Variants in MGAT4A observed in about 807,000 individuals in gnomAD.
MGAT4A encodes N-acetylglucosaminyltransferase IVa.
In MGAT4A, 33 loss-of-function variants were observed where a neutral mutation model predicts 74.1. The observed-to-expected ratio is 0.45, with a 90% CI of 0.34 to 0.60. The LOEUF (loss-of-function observed/expected upper bound fraction) is 0.60. Ranked by LOEUF, MGAT4A falls within the 20% of genes least tolerant of loss-of-function variation. The probability of loss-of-function intolerance (pLI) is 0.02; values close to 1 mark genes in which losing one functional copy is unlikely to be tolerated. For synonymous variants in MGAT4A, 198 were observed against 210.4 expected, an observed-to-expected ratio of 0.94 and a Z score of 0.51; for missense variants, 479 against 628.3, an observed-to-expected ratio of 0.76 and a Z score of 2.54.
chr2:98,699,494 C>A (rs919087659), intron 2 of MGAT4A, among the ~76,000 whole-genome samples: 1 of 152,070 alleles, frequency 6.6e-6, no homozygotes, highest in Non-Finnish European at 1.5e-5. Flanking sequence ...CAGCAGGAAT[C>A]ATATTTTAGT....
chr2:98,719,875 G>C (rs1388913918), intron 2 of MGAT4A, among the ~76,000 whole-genome samples: 1 of 152,164 alleles, frequency 6.6e-6, no homozygotes, highest in Admixed American at 6.5e-5. Context: ...TCGAACTCCT[G>C]ACCTCAGGCG....
chr2:98,650,817 G>C (rs558685981), intron 8 of MGAT4A, among the ~76,000 whole-genome samples: 4 of 152,216 alleles, frequency 2.6e-5, no homozygotes, highest in South Asian at 2.1e-4. Context: ...TGGGTGTGGT[G>C]GTGGGCACCT....
At chr2:98,714,819 CGTTAT>C (rs1232716689) in intron 2 of MGAT4A, among the ~76,000 whole-genome samples, 3 of 152,002 alleles carry the variant, frequency 2.0e-5, no homozygotes, top group Non-Finnish European at 4.4e-5. Context: ...GGGTTAATTT[CGTTAT>C]GTTAATTTCA....
At chr2:98,642,401 C>T (rs2104238458) in intron 10 of MGAT4A, among the ~76,000 whole-genome samples, 1 of 152,272 alleles carries the variant, frequency 6.6e-6, no homozygotes, top group African/African-American at 2.4e-5. Context: ...CGACAGCACC[C>T]TCGAGATTCT....
chr2:98,644,818 G>A (rs756219567), intron 9 of MGAT4A, among the ~76,000 whole-genome samples: 27 of 152,074 alleles, frequency 1.8e-4, no homozygotes, highest in South Asian at 1.2e-3. Flanking sequence ...ATTTTTAGTA[G>A]AGACAGGGTT....
chr2:98,697,642 T>G (rs1467005880), intron 2 of MGAT4A, among the ~76,000 whole-genome samples: 1 of 152,242 alleles, frequency 6.6e-6, no homozygotes, highest in Non-Finnish European at 1.5e-5. Context: ...CTTTGCAGCT[T>G]CCTTTAGTTC....
In MGAT4A at chr2:98,726,112, A is replaced by C. The variant is rs190340948; in HGVS notation, c.94+127T>G. The stretch of plus-strand genomic sequence containing the variant: ...AATACTGTTTCATTTTTATATCAGA[A>C]AGAAACTGCCAGCAGATAGCATGTA... On this transcript the variant is annotated intron_variant, in intron 2 of 15. Coordinates refer to ENST00000393487, the MANE Select transcript of MGAT4A (RefSeq NM_012214.3). 61 of 600,568 alleles carry C rather than the reference A, an allele frequency of 1.0e-4. No individual in the cohort carries two copies. In the East Asian group the frequency reaches 1.5e-3, roughly 14 times the overall value. 37.2% of individuals were successfully genotyped at this position (600,568 alleles called of 1,614,324 possible).
intron 2 of MGAT4A, among the ~76,000 whole-genome samples, chr2:98,712,754 A>G (rs962829527): frequency 6.6e-6 from 1 of 152,214 alleles, no homozygotes; most frequent in African/African-American, 2.4e-5. Flanking sequence ...ACATGTGAAC[A>G]TTTACTATTA....
intron 2 of MGAT4A, among the ~76,000 whole-genome samples, chr2:98,715,261 T>A (rs1702576479): frequency 7.2e-6 from 1 of 139,406 alleles, no homozygotes. Context: ...GAGGGTGCAG[T>A]GAGCCAAGAT....
chr2:98,625,359 TGA>T lies in MGAT4A; in HGVS notation c.*205_*206del. On this transcript the variant is annotated 3_prime_UTR_variant, in exon 16 of 16. Coordinates refer to ENST00000393487, the MANE Select transcript of MGAT4A (RefSeq NM_012214.3). ...CAGGCTGTCATAATTGAAAAATGTT[TGA>T]GTCAAGTTAAAATCTGAGGACAGCT... 1 of 1,362,050 alleles carries T rather than the reference TGA, an allele frequency of 7.3e-7. No homozygotes were observed. The highest frequency in any genetic ancestry group is 9.5e-7 in the Non-Finnish European group (1 of 1,053,354). 84.4% of individuals were successfully genotyped at this position (1,362,050 alleles called of 1,614,324 possible).
chr2:98,727,438 C>A (rs920184202), intron 1 of MGAT4A, among the ~76,000 whole-genome samples: 1 of 152,178 alleles, frequency 6.6e-6, no homozygotes, highest in African/African-American at 2.4e-5. Flanking sequence ...GTACTAAAAA[C>A]CAAACTTTTT....
intron 8 of MGAT4A, among the ~76,000 whole-genome samples, chr2:98,649,000 G>A (rs112482191): frequency 0.012 from 1,776 of 152,228 alleles, 19 homozygotes; most frequent in Middle Eastern, 0.031. Context: ...GTGCCACTGC[G>A]CTCCAGCCTG....
rs1401431276 is a variant in MGAT4A at position 98,621,539 on chromosome 2, C to G, written c.*4027G>C. On this transcript the variant is annotated 3_prime_UTR_variant, in exon 16 of 16. Coordinates refer to ENST00000393487, the MANE Select transcript of MGAT4A (RefSeq NM_012214.3). ...GGAGTCACAAGATTTGATTAGCCACCCCCAGACAGTCTTCCTTTTGCTACA... is the reference window on the plus strand; with the variant it reads ...GGAGTCACAAGATTTGATTAGCCACGCCCAGACAGTCTTCCTTTTGCTACA... 7 of 1,551,014 alleles carry G rather than the reference C, an allele frequency of 4.5e-6. No individual in the cohort carries two copies. Among genetic ancestry groups the G allele is most frequent in the East Asian group, 4.9e-5 (2 of 40,912 alleles).
intron 14 of MGAT4A, among the ~76,000 whole-genome samples, chr2:98,629,637 G>A (rs550503642): frequency 4.6e-5 from 7 of 152,036 alleles, no homozygotes; most frequent in Non-Finnish European, 7.4e-5. Context: ...ATACACTACC[G>A]CAAAAGATTG....
intron 9 of MGAT4A, among the ~76,000 whole-genome samples, 160 bp from the exon 10 acceptor site, chr2:98,644,213 G>T (rs1160719938): frequency 6.6e-6 from 1 of 152,166 alleles, no homozygotes; most frequent in Non-Finnish European, 1.5e-5. Flanking sequence ...ATTAAACAAA[G>T]TTGCTTCGGC....
chr2:98,698,376 C>G (rs1163825980), intron 2 of MGAT4A, among the ~76,000 whole-genome samples: 25 of 152,188 alleles, frequency 1.6e-4, no homozygotes, highest in Non-Finnish European at 7.3e-5. Flanking sequence ...GAGATTGCAT[C>G]ACTGCACTGC....
intron 2 of MGAT4A, among the ~76,000 whole-genome samples, chr2:98,682,805 G>A (rs544499138): frequency 1.3e-5 from 2 of 152,256 alleles, no homozygotes; most frequent in South Asian, 4.1e-4. Flanking sequence ...AACAAATGGC[G>A]GCCGGGCGTG....
In MGAT4A at chr2:98,621,246, T is replaced by C. The variant is rs1701056860; in HGVS notation, c.*4320A>G. 1.2e-6 allele frequency: 1 copy of C among 857,130 alleles called. No individual in the cohort carries two copies. The highest frequency in any genetic ancestry group is 3.5e-5 in the Admixed American group (1 of 28,540). 53.1% of individuals were successfully genotyped at this position (857,130 alleles called of 1,614,324 possible). A position where few individuals can be genotyped will look rare whatever the true frequency, so the allele number is the denominator to read the frequency against. On this transcript the variant is annotated 3_prime_UTR_variant, in exon 16 of 16. Coordinates refer to ENST00000393487, the MANE Select transcript of MGAT4A (RefSeq NM_012214.3). ...TCTCACAAGGCTGGATTCAAAGTGTTGGCCAGGCTGGGTCTTATCTGGAGA... is the reference window on the plus strand; with the variant it reads ...TCTCACAAGGCTGGATTCAAAGTGTCGGCCAGGCTGGGTCTTATCTGGAGA...
intron 14 of MGAT4A, among the ~76,000 whole-genome samples, chr2:98,630,573 ATATTAT>A (rs1701216326): frequency 6.6e-6 from 1 of 152,140 alleles, no homozygotes; most frequent in South Asian, 2.1e-4. Flanking sequence ...GGTACTCAGC[ATATTAT>A]TATTATTAAA....
Sources: gnomAD v4.1 joint callset for allele counts (sites outside exome capture counted in the v4.1 genomes callset) on GRCh38, gnomAD v4.1.1 for gene constraint, MANE v1.5 for transcripts, NCBI Gene and HGNC (gene_info 2026-07-23, HGNC 2026-07-21) for gene names.